NAALADL2: variants seen among roughly 807,000 people sequenced by gnomAD.
NAALADL2 encodes N-acetylated alpha-linked acidic dipeptidase like 2.
NAALADL2 carries 76 observed loss-of-function variants against 87.2 expected under a neutral mutation model. The observed-to-expected ratio is 0.87, with a 90% CI of 0.72 to 1.05. NAALADL2 has a LOEUF of 1.05. Among genes scored for constraint, NAALADL2 ranks in the 50% least tolerant of loss-of-function variants. The pLI is 0.00. For synonymous variants in NAALADL2, 354 were observed against 331.0 expected (o/e 1.07, Z -0.75); for missense variants, 1,089 against 945.8 (o/e 1.15, Z -1.99).
At chr3:175,123,255 A>T (rs893555189) in intron 2 of NAALADL2, among the ~76,000 whole-genome samples, 15 of 151,968 alleles carry the variant, frequency 9.9e-5, no homozygotes, top group African/African-American at 3.6e-4. Context: ...GAATATGGAG[A>T]TTTTTGTTGA....
chr3:175,163,589 T>C (rs925404579), intron 2 of NAALADL2, among the ~76,000 whole-genome samples: 1 of 152,080 alleles, frequency 6.6e-6, no homozygotes, highest in Non-Finnish European at 1.5e-5. Context: ...GAGATGCTGA[T>C]TTGTGTTGCA....
chr3:174,559,107 G>A (rs908972966), intron 2 of NAALADL2, among the ~76,000 whole-genome samples: 3 of 152,082 alleles, frequency 2.0e-5, no homozygotes, highest in Admixed American at 6.5e-5. Flanking sequence ...GTTATCCCTG[G>A]AAAGGGTGCT....
chr3:175,789,360 C>T (rs1156978992), intron 13 of NAALADL2, among the ~76,000 whole-genome samples: 1 of 152,074 alleles, frequency 6.6e-6, no homozygotes, highest in Non-Finnish European at 1.5e-5. Context: ...TATATGTCTT[C>T]TCTGTGTTAA....
chr3:175,148,517 C>T (rs902303470), intron 2 of NAALADL2, among the ~76,000 whole-genome samples: 2 of 151,948 alleles, frequency 1.3e-5, no homozygotes, highest in Non-Finnish European at 1.5e-5. Flanking sequence ...TTTTTCCCAA[C>T]GCCCAAGTCC....
chr3:175,284,689 G>T (rs566143561), intron 4 of NAALADL2, among the ~76,000 whole-genome samples: 23 of 152,084 alleles, frequency 1.5e-4, no homozygotes, highest in Non-Finnish European at 2.6e-4. Context: ...GATAGGAAAA[G>T]AAATTAAAAT....
intron 2 of NAALADL2, among the ~76,000 whole-genome samples, chr3:175,144,607 A>C (rs1288397128): frequency 6.6e-6 from 1 of 152,034 alleles, no homozygotes; most frequent in East Asian, 1.9e-4. Flanking sequence ...ATTCTCACTG[A>C]ATTTATCCCC....
intron 1 of NAALADL2, among the ~76,000 whole-genome samples, chr3:174,921,197 A>T (rs73047043): frequency 6.6e-6 from 1 of 152,178 alleles, no homozygotes; most frequent in South Asian, 2.1e-4. Context: ...CAAAACTTCA[A>T]TTTCTAAAAA....
intron 12 of NAALADL2, among the ~76,000 whole-genome samples, chr3:175,744,464 A>G (rs930606858): frequency 1.4e-4 from 21 of 152,236 alleles, no homozygotes; most frequent in Admixed American, 7.2e-4. Flanking sequence ...AGGTGAGGCC[A>G]GACTTGAGAT....
intron 1 of NAALADL2, among the ~76,000 whole-genome samples, chr3:174,951,217 G>A (rs9874488): frequency 0.47 from 71,019 of 151,532 alleles, 18,765 homozygotes; most frequent in East Asian, 0.85. Context: ...TGTTAAGTTG[G>A]GATGTAAATG....
chr3:174,787,199 T>C (rs1716779695), intron 3 of NAALADL2, among the ~76,000 whole-genome samples: 1 of 152,000 alleles, frequency 6.6e-6, no homozygotes, highest in Non-Finnish European at 1.5e-5. Context: ...TTAGACATGA[T>C]AAAATTTTTA....
chr3:174,853,912 C>T (rs1404496929), intron 3 of NAALADL2, among the ~76,000 whole-genome samples: 3 of 152,002 alleles, frequency 2.0e-5, no homozygotes, highest in Non-Finnish European at 2.9e-5. Context: ...GAATGGGTAA[C>T]CCTCATAAAC....
At position 175,127,805 on chromosome 3, in the gene NAALADL2, G is replaced by A. The variant is rs548344216; in HGVS notation, c.545+30514G>A. Among the ~76,000 whole-genome samples the A allele has an allele frequency of 3.3e-5, 5 of 152,146 alleles. No homozygotes were observed. In the South Asian group the frequency reaches 1.0e-3, roughly 32 times the overall value. ...GTACTGAGGCAAGAGCATGGCTTGA[G>A]CTCAGGAGTTTGAGACCAGCCTGGG... On this transcript the variant is annotated intron_variant, in intron 2 of 13. Coordinates refer to ENST00000454872, the MANE Select transcript of NAALADL2 (RefSeq NM_207015.3).
At chr3:174,956,050 T>C (rs1174204675) in intron 1 of NAALADL2, among the ~76,000 whole-genome samples, 1 of 152,046 alleles carries the variant, frequency 6.6e-6, no homozygotes, top group East Asian at 1.9e-4. Flanking sequence ...ATTCACAAAA[T>C]ATGATATGGA....
chr3:174,798,849 C>T (rs1167295200), intron 3 of NAALADL2, among the ~76,000 whole-genome samples: 2 of 151,624 alleles, frequency 1.3e-5, no homozygotes, highest in South Asian at 4.1e-4. Context: ...TTTTTATATG[C>T]AAGATTATGT....
At chr3:174,928,746 T>C (rs1411109700) in intron 1 of NAALADL2, among the ~76,000 whole-genome samples, 1 of 152,172 alleles carries the variant, frequency 6.6e-6, no homozygotes, top group African/African-American at 2.4e-5. Context: ...TACTATAAAA[T>C]TGTAATTATA....
At position 174,946,207 on chromosome 3, in the gene NAALADL2, C is replaced by T. The variant is rs183391558; in HGVS notation, c.43+86757C>T. On this transcript the variant is annotated intron_variant, in intron 1 of 13. Coordinates refer to ENST00000454872, the MANE Select transcript of NAALADL2 (RefSeq NM_207015.3). ...TTTGAGCTCCTAGGTACTTCTTTTA[C>T]TTAATATTTCTCAATGGAATGCGTT... Among the ~76,000 whole-genome samples, 5 of 152,076 alleles carry T rather than the reference C, an allele frequency of 3.3e-5. No homozygotes were observed. The East Asian group carries it at 9.7e-4, about 29-fold the overall frequency.
chr3:174,591,598 A>G (rs1385496072), intron 2 of NAALADL2, among the ~76,000 whole-genome samples: 1 of 152,206 alleles, frequency 6.6e-6, no homozygotes, highest in Non-Finnish European at 1.5e-5. Context: ...GGACCTAAAC[A>G]GAAATACAAA....
At chr3:174,756,416 C>T (rs566794829) in intron 3 of NAALADL2, among the ~76,000 whole-genome samples, 3 of 152,254 alleles carry the variant, frequency 2.0e-5, no homozygotes, top group Non-Finnish European at 2.9e-5. Context: ...CCAGTGTCAC[C>T]TCTGCTCCAT....
intron 11 of NAALADL2, among the ~76,000 whole-genome samples, chr3:175,659,853 C>T (rs1214603886): frequency 6.6e-6 from 1 of 152,172 alleles, no homozygotes; most frequent in Non-Finnish European, 1.5e-5. Flanking sequence ...TGTTAGTCAG[C>T]ATGCTTCCAA....
Sources: allele counts gnomAD v4.1 joint callset (sites outside exome capture counted in the v4.1 genomes callset), GRCh38; gene constraint gnomAD v4.1.1; transcripts MANE v1.5; gene names NCBI Gene and HGNC (gene_info 2026-07-23, HGNC 2026-07-21).